Variants in TENM2 observed in about 807,000 individuals in gnomAD.
TENM2 encodes teneurin-2.
In TENM2, 52 loss-of-function variants were observed where a neutral mutation model predicts 245.2. The observed-to-expected ratio is 0.21, with a 90% CI of 0.17 to 0.27. TENM2 has a LOEUF of 0.27. Among genes scored for constraint, TENM2 ranks in the 10% least tolerant of loss-of-function variants. TENM2 has a pLI of 1.00. For missense variants in TENM2, 3,046 were observed against 3,666.8 expected (o/e 0.83, Z 4.37); for synonymous variants, 1,363 against 1,438.9 (o/e 0.95, Z 1.19).
the TENM2 span, among the ~76,000 whole-genome samples, chr5:167,201,009 C>T: frequency 6.6e-6 from 1 of 151,938 alleles, no homozygotes; most frequent in African/African-American, 2.4e-5. Context: ...AGAAAGAACT[C>T]AGAATATTGT....
intron 4 of TENM2, among the ~76,000 whole-genome samples, chr5:167,969,616 T>C (rs1477430538): frequency 6.6e-6 from 1 of 152,184 alleles, no homozygotes; most frequent in Non-Finnish European, 1.5e-5. Context: ...AGGATTCAAG[T>C]AATACTTAAA....
At chr5:168,258,394 G>A (rs758329793) in intron 27 of TENM2, among the ~76,000 whole-genome samples, 3 of 152,008 alleles carry the variant, frequency 2.0e-5, no homozygotes, top group African/African-American at 4.8e-5. Context: ...CCAGCTACTC[G>A]GGAGGCTGAG....
intron 2 of TENM2, among the ~76,000 whole-genome samples, chr5:167,869,792 T>C (rs1040707323): frequency 2.6e-5 from 4 of 152,028 alleles, no homozygotes; most frequent in Admixed American, 6.6e-5. Flanking sequence ...CGATGCACTT[T>C]CCTGCAAAAT....
chr5:167,223,327 C>A, the TENM2 span, among the ~76,000 whole-genome samples: 3 of 151,840 alleles, frequency 2.0e-5, no homozygotes, highest in African/African-American at 7.3e-5. Context: ...CTCTGGTTAA[C>A]TCCCCCGACC....
intron 2 of TENM2, among the ~76,000 whole-genome samples, chr5:167,442,596 CT>C (rs1217496335): frequency 6.6e-6 from 1 of 151,888 alleles, no homozygotes. Flanking sequence ...AAAAAAAATC[CT>C]TTTAACTAGT....
rs1191717159 is a variant in TENM2 at position 167,321,782 on chromosome 5, C to CTTGTT, written c.226+36721_226+36722insGTTTT. On this transcript the variant is annotated intron_variant, in intron 1 of 28. Transcript: ENST00000518659. ...TGAATCTGTTGTCTTGCTGCCTTGG[C>CTTGTT]TTATTTTTTTTTTTTTTTTGGGGGG... Among the ~76,000 whole-genome samples, 2 of 59,738 alleles carry CTTGTT rather than the reference C, an allele frequency of 3.3e-5. 1 individual carries two copies. Among genetic ancestry groups the CTTGTT allele is most frequent in the Non-Finnish European group, 6.2e-5 (2 of 32,430 alleles). 39.2% of individuals were successfully genotyped at this position (59,738 alleles called of 152,430 possible).
chr5:168,128,362 T>C (rs895656219), intron 12 of TENM2, among the ~76,000 whole-genome samples: 24 of 152,242 alleles, frequency 1.6e-4, no homozygotes, highest in African/African-American at 5.8e-4. Flanking sequence ...ATCAGGGGCA[T>C]TCCTTTTGCT....
chr5:167,218,377 T>C, the TENM2 span, among the ~76,000 whole-genome samples: 1 of 152,196 alleles, frequency 6.6e-6, no homozygotes, highest in Non-Finnish European at 1.5e-5. Flanking sequence ...TTAAATTTTT[T>C]TTCCCCTCCT....
In TENM2 at chr5:167,572,654, G is replaced by A. The variant is rs187479239; in HGVS notation, c.502+197181G>A. On this transcript the variant is annotated intron_variant, in intron 2 of 28. Transcript: ENST00000518659. ...AAGAGGTCACTTAGGGAATTTAACT[G>A]TGTAATCCTAGCCCCCATGTGGTAG... is the stretch of plus-strand genomic sequence containing the variant. Among the ~76,000 whole-genome samples the A allele has an allele frequency of 7.2e-3, 1,090 of 152,292 alleles. 7 individuals carry two copies. Among genetic ancestry groups the A allele is most frequent in the Non-Finnish European group, 0.012 (817 of 68,016 alleles).
the TENM2 span, among the ~76,000 whole-genome samples, chr5:166,988,226 C>T: frequency 6.6e-6 from 1 of 152,136 alleles, no homozygotes; most frequent in African/African-American, 2.4e-5. Context: ...ATCTCAATTC[C>T]AGTAAATCAT....
rs894244436 is a variant in TENM2, at chr5:167,622,229, G to A, written c.502+246756G>A. Among the ~76,000 whole-genome samples, 5 of 152,012 alleles carry A rather than the reference G, an allele frequency of 3.3e-5. No individual in the cohort carries two copies. The East Asian group carries it at 9.6e-4, about 29-fold the overall frequency. ...AAAGTAAACAGCAGCTTGGCTGAGG[G>A]AGACATGATGAGAAGCACCCCTCTG... is the stretch of plus-strand genomic sequence containing the variant. On this transcript the variant is annotated intron_variant, in intron 2 of 28. Transcript: ENST00000518659.
intron 2 of TENM2, among the ~76,000 whole-genome samples, chr5:167,615,760 A>G (rs1326411990): frequency 2.6e-5 from 4 of 152,094 alleles, no homozygotes; most frequent in Non-Finnish European, 4.4e-5. Flanking sequence ...AAAAAAAGAA[A>G]GGCAAGCAAT....
In TENM2 at chr5:168,231,322, T is replaced by TGTAGA. The variant is rs559590413; in HGVS notation, c.5520+3197_5520+3201dup. On this transcript the variant is annotated intron_variant, in intron 25 of 28. Transcript: ENST00000518659. Reference sequence around the variant, plus strand: ...TTCACAGAGGAGCTGGAATCATTTCTGTAGAGTAGTAAGAATCAGCCAGGC... The same window carrying TGTAGA: ...TTCACAGAGGAGCTGGAATCATTTCTGTAGAGTAGAGTAGTAAGAATCAGCCAGGC... Among the ~76,000 whole-genome samples the TGTAGA allele has an allele frequency of 9.8e-5, 15 of 152,328 alleles. No individual in the cohort carries two copies. In the East Asian group the frequency reaches 1.9e-3, roughly 20 times the overall value.
At chr5:167,434,510 A>G (rs1160400991) in intron 2 of TENM2, among the ~76,000 whole-genome samples, 5 of 151,858 alleles carry the variant, frequency 3.3e-5, no homozygotes, top group Non-Finnish European at 5.9e-5. Flanking sequence ...TTTATTCTCA[A>G]AATACTCAAC....
intron 8 of TENM2, among the ~76,000 whole-genome samples, chr5:168,097,732 G>C (rs376206027): frequency 6.6e-6 from 1 of 152,110 alleles, no homozygotes; most frequent in Non-Finnish European, 1.5e-5. Context: ...GATTACAGCT[G>C]TGAGCCACTG....
chr5:167,588,549 TAGTTACTTAGTTAC>T (rs1419823850), intron 2 of TENM2, among the ~76,000 whole-genome samples: 2 of 152,222 alleles, frequency 1.3e-5, no homozygotes, highest in Non-Finnish European at 2.9e-5. Flanking sequence ...TTTTGATACT[TAGTTACTTAGTTAC>T]AGACTACTTT....
chr5:167,117,190 C>A, the TENM2 span, among the ~76,000 whole-genome samples: 1 of 152,194 alleles, frequency 6.6e-6, no homozygotes, highest in Non-Finnish European at 1.5e-5. Flanking sequence ...TTTGCTGTGA[C>A]CTTTCCTCAT....
the TENM2 span, among the ~76,000 whole-genome samples, chr5:167,252,141 A>C: frequency 4.6e-5 from 7 of 152,126 alleles, no homozygotes; most frequent in African/African-American, 1.4e-4. Flanking sequence ...ATGCTTCTGA[A>C]ACCCAAAAGA....
At chr5:167,346,013 C>T (rs1041507618) in intron 1 of TENM2, among the ~76,000 whole-genome samples, 4 of 151,706 alleles carry the variant, frequency 2.6e-5, no homozygotes, top group Non-Finnish European at 2.9e-5. Flanking sequence ...CCTAAGGAAA[C>T]GTGTAACGAC....
Sources: allele counts gnomAD v4.1 joint callset (sites outside exome capture counted in the v4.1 genomes callset), GRCh38; gene constraint gnomAD v4.1.1; transcripts MANE v1.5; gene names NCBI Gene and HGNC (gene_info 2026-07-23, HGNC 2026-07-21).